B3GLCT: variants seen among roughly 807,000 people sequenced by gnomAD.
B3GLCT encodes beta 3-glucosyltransferase.
In B3GLCT, 65 loss-of-function variants were observed where a neutral mutation model predicts 63.4. That is an observed-to-expected ratio of 1.03 (90% CI 0.84 to 1.26). B3GLCT has a LOEUF of 1.26. B3GLCT is among the 50% of genes most tolerant of loss of function. The probability of loss-of-function intolerance (pLI) is 0.00; values close to 1 mark genes in which losing one functional copy is unlikely to be tolerated. For synonymous variants in B3GLCT, 233 were observed against 219.2 expected, an observed-to-expected ratio of 1.06 and a Z score of -0.55; for missense variants, 577 against 604.8, an observed-to-expected ratio of 0.95 and a Z score of 0.48.
At chr13:31,315,886 C>T (rs1874979333) in intron 12 of B3GLCT, among the ~76,000 whole-genome samples, 3 of 152,234 alleles carry the variant, frequency 2.0e-5, no homozygotes, top group Admixed American at 6.5e-5. Flanking sequence ...GATGCTCCAG[C>T]CATGGCTAAA....
At chr13:31,287,717 G>A (rs1873414544) in intron 12 of B3GLCT, among the ~76,000 whole-genome samples, 1 of 152,140 alleles carries the variant, frequency 6.6e-6, no homozygotes, top group East Asian at 1.9e-4. Context: ...TACAAGGTTA[G>A]AATTAGAAGT....
At chr13:31,324,945 G>T (rs369706642) in intron 14 of B3GLCT, among the ~76,000 whole-genome samples, 1 of 152,032 alleles carries the variant, frequency 6.6e-6, no homozygotes, top group Non-Finnish European at 1.5e-5. Flanking sequence ...GGACTCAAGC[G>T]ATCCTCCCAC....
rs577211299 is a variant in B3GLCT at position 31,217,392 on chromosome 13, G to A, written c.120+2292G>A. On this transcript the variant is annotated intron_variant, in intron 2 of 14. Transcript: ENST00000343307. Reference sequence around the variant, plus strand: ...TGCAAATATTTTCTCCCATTCTGTAGGTTATCTGTTTACTCTGTTGATAAT... The same window carrying A: ...TGCAAATATTTTCTCCCATTCTGTAAGTTATCTGTTTACTCTGTTGATAAT... 1.1e-3 allele frequency among the ~76,000 whole-genome samples: 166 copies of A among 152,226 alleles called. 1 individual carries two copies. In the South Asian group the frequency reaches 0.033, roughly 31 times the overall value.
chr13:31,284,148 T>C (rs1033195662), intron 10 of B3GLCT, among the ~76,000 whole-genome samples: 2 of 152,216 alleles, frequency 1.3e-5, no homozygotes, highest in Admixed American at 6.5e-5. Flanking sequence ...TCCACATTTT[T>C]CAAAAGTACA....
chr13:31,240,711 ACTTTT>A lies in B3GLCT; in HGVS notation c.271-6306_271-6302del, dbSNP rs1459292633. 4.6e-5 allele frequency among the ~76,000 whole-genome samples: 7 copies of A among 152,132 alleles called. No homozygotes were observed. The East Asian group carries it at 5.8e-4, about 13-fold the overall frequency. On this transcript the variant is annotated intron_variant, in intron 4 of 14. Coordinates refer to ENST00000343307, the MANE Select transcript of B3GLCT (RefSeq NM_194318.4). Reference sequence around the variant, plus strand: ...GCTTTTTGATGCTGTATATCATTAAACTTTTCTTTTGAAGTGAAAGGAGTTGGATG... The same window carrying A: ...GCTTTTTGATGCTGTATATCATTAAACTTTTGAAGTGAAAGGAGTTGGATG...
chr13:31,323,468 A>G (rs751415380), intron 13 of B3GLCT, among the ~76,000 whole-genome samples: 27 of 152,346 alleles, frequency 1.8e-4, no homozygotes, highest in Non-Finnish European at 2.8e-4. Flanking sequence ...TTTTTATGGT[A>G]TGAAAAGATT....
intron 12 of B3GLCT, among the ~76,000 whole-genome samples, chr13:31,317,105 C>G (rs1264325394): frequency 6.6e-6 from 1 of 152,238 alleles, no homozygotes; most frequent in Non-Finnish European, 1.5e-5. Flanking sequence ...GCCCAACATG[C>G]ATTTGCATCT....
intron 1 of B3GLCT, among the ~76,000 whole-genome samples, chr13:31,209,890 CAAATT>C (rs1455865819): frequency 2.0e-5 from 3 of 152,164 alleles, no homozygotes; most frequent in Non-Finnish European, 4.4e-5. Flanking sequence ...TTTGGGAAAA[CAAATT>C]AAGAGAATTG....
chr13:31,318,581 C>T lies in B3GLCT; in HGVS notation c.1184+896C>T, dbSNP rs114148808. Among the ~76,000 whole-genome samples the T allele has an allele frequency of 5.5e-3, 838 of 152,260 alleles. 12 individuals are homozygous for T. The highest frequency in any genetic ancestry group is 0.019 in the African/African-American group (804 of 41,542). ...AGCATGTGTGCTGATCTTTGTTAGACGATGGCTTGCATCTACCTGAGGTCA... is the reference window on the plus strand; with the variant it reads ...AGCATGTGTGCTGATCTTTGTTAGATGATGGCTTGCATCTACCTGAGGTCA... On this transcript the variant is annotated intron_variant, in intron 13 of 14. Transcript: ENST00000343307.
intron 12 of B3GLCT, among the ~76,000 whole-genome samples, chr13:31,316,407 T>TTATA (rs71099949): frequency 0.021 from 860 of 40,876 alleles, 144 homozygotes; most frequent in Non-Finnish European, 0.03. Context: ...TTTGGAGGTT[T>TTATA]TATATATATA....
At chr13:31,201,521 G>A (rs1252897767) in intron 1 of B3GLCT, among the ~76,000 whole-genome samples, 1 of 152,200 alleles carries the variant, frequency 6.6e-6, no homozygotes, top group Non-Finnish European at 1.5e-5. Flanking sequence ...GCAGCCCTGG[G>A]AGAAAGGGAG....
At chr13:31,276,917 T>C (rs554800057) in intron 10 of B3GLCT, 146 bp downstream of exon 10, 8 of 686,268 alleles carry the variant, frequency 1.2e-5, no homozygotes, top group African/African-American at 7.2e-5. Flanking sequence ...TAATCAATAC[T>C]CCTCATTGCA....
At chr13:31,222,582 A>AT (rs1250125142) in intron 2 of B3GLCT, among the ~76,000 whole-genome samples, 4 of 152,236 alleles carry the variant, frequency 2.6e-5, no homozygotes, top group African/African-American at 9.6e-5. Context: ...ATCCTCTGAT[A>AT]TGTTCCTAAT....
intron 7 of B3GLCT, among the ~76,000 whole-genome samples, chr13:31,262,163 A>G (rs1051345126): frequency 6.6e-6 from 1 of 152,200 alleles, no homozygotes; most frequent in Non-Finnish European, 1.5e-5. Flanking sequence ...TGAAGCTCCT[A>G]CGCTGCTGAT....
intron 14 of B3GLCT, among the ~76,000 whole-genome samples, chr13:31,325,179 A>T (rs1053624265): frequency 6.6e-6 from 1 of 152,180 alleles, no homozygotes; most frequent in African/African-American, 2.4e-5. Context: ...AAGAGAGGAT[A>T]AAAAGAGACC....
Position 31,329,783 on chromosome 13 carries a change from T to G in B3GLCT, c.*115T>G. 8.5e-7 allele frequency: 1 copy of G among 1,176,498 alleles called. No individual in the cohort carries two copies. Among genetic ancestry groups the G allele is most frequent in the Non-Finnish European group, 1.2e-6 (1 of 804,518 alleles). 72.9% of individuals were successfully genotyped at this position (1,176,498 alleles called of 1,614,324 possible). On this transcript the variant is annotated 3_prime_UTR_variant, in exon 15 of 15. Coordinates refer to ENST00000343307, the MANE Select transcript of B3GLCT (RefSeq NM_194318.4). ...CTGCCACATGGCATTGGGTGCTTCC[T>G]GACTTTAGGGGGAGATTTTATGTAT...
At chr13:31,259,480 A>T (rs975707576) in intron 6 of B3GLCT, among the ~76,000 whole-genome samples, 24 of 151,812 alleles carry the variant, frequency 1.6e-4, no homozygotes, top group Non-Finnish European at 2.5e-4. Context: ...CCGGCACTAC[A>T]GTACTGCTAA....
intron 6 of B3GLCT, among the ~76,000 whole-genome samples, chr13:31,255,900 G>A (rs1439675595): frequency 2.6e-5 from 4 of 152,224 alleles, no homozygotes; most frequent in Admixed American, 1.3e-4. Context: ...ACTTCATGAC[G>A]AAAACACCGA....
At chr13:31,310,388 C>T (rs913709550) in intron 12 of B3GLCT, among the ~76,000 whole-genome samples, 8 of 152,198 alleles carry the variant, frequency 5.3e-5, no homozygotes, top group African/African-American at 7.2e-5. Context: ...ACCTGGGACC[C>T]GCTGAACAGT....
Sources: allele counts gnomAD v4.1 joint callset (sites outside exome capture counted in the v4.1 genomes callset), GRCh38; gene constraint gnomAD v4.1.1; transcripts MANE v1.5; gene names NCBI Gene and HGNC (gene_info 2026-07-23, HGNC 2026-07-21).